The following LGALS9B variants were observed in gnomAD, a reference collection of about 807,000 sequenced individuals.
LGALS9B encodes galectin-9B.
In LGALS9B, 8 loss-of-function variants were observed where a neutral mutation model predicts 35.9. The ratio of observed to expected loss-of-function variants is 0.22; its 90% CI spans 0.13 to 0.40. LGALS9B has a LOEUF of 0.40. Ranked by LOEUF, LGALS9B falls within the 10% of genes least tolerant of loss-of-function variation. The probability of loss-of-function intolerance (pLI) is 1.00; values close to 1 mark genes in which losing one functional copy is unlikely to be tolerated. For synonymous variants in LGALS9B, 42 were observed against 148.6 expected (o/e 0.28, Z 5.22); for missense variants, 101 against 397.9 (o/e 0.25, Z 6.35).
intron 6 of LGALS9B, 77 bp from the exon 7 acceptor site, chr17:20,453,144 C>A: frequency 9.0e-7 from 1 of 1,106,078 alleles, no homozygotes; most frequent in Non-Finnish European, 1.3e-6. Context: ...GGGTGCCACA[C>A]GGCAGGCACC....
intron 1 of LGALS9B, among the ~76,000 whole-genome samples, chr17:20,466,705 G>A (rs1376529611): frequency 7.2e-6 from 1 of 138,014 alleles, no homozygotes; most frequent in East Asian, 2.1e-4. Flanking sequence ...TTTCAGCAAG[G>A]CACCTGCAGC....
intron 2 of LGALS9B, 60 bp downstream of exon 2, chr17:20,460,292 C>T (rs1208203448): frequency 6.2e-7 from 1 of 1,610,346 alleles, no homozygotes; most frequent in South Asian, 1.1e-5. Context: ...GGCTCACAGG[C>T]ACAGTGGCTT....
intron 1 of LGALS9B, among the ~76,000 whole-genome samples, chr17:20,464,195 C>T (rs1427673796): frequency 6.7e-6 from 1 of 148,826 alleles, no homozygotes; most frequent in Non-Finnish European, 1.5e-5. Context: ...CTTCCCCAGG[C>T]TCACGCGATC....
At position 20,451,859 on chromosome 17, in the gene LGALS9B, G is replaced by A. The variant is rs1336084960; in HGVS notation, c.697C>T (p.Pro233Ser). Residue 233 changes from proline (P) to serine (S), a missense_variant, in exon 9 of 11, where the codon CCG becomes TCG. Coordinates refer to ENST00000423676, the MANE Select transcript of LGALS9B (RefSeq NM_001367292.2). ...GACTTGGATGGGTACAGCCCTCCCG[G>A]AATGGTGGTGATGAAAGGCATCGGC... is the stretch of plus-strand genomic sequence containing the variant. ...AYPMPFITTI[P>S]GGLYPSKSII... 1 of 1,467,240 alleles carries A rather than the reference G, an allele frequency of 6.8e-7. No individual in the cohort carries two copies. Among genetic ancestry groups the A allele is most frequent in the East Asian group, 2.3e-5 (1 of 43,946 alleles). The allele number at this position is 1,467,240 out of a possible 1,614,324, so 90.9% of individuals were successfully genotyped here.
chr17:20,461,781 A>G, intron 1 of LGALS9B, among the ~76,000 whole-genome samples: 1 of 79,630 alleles, frequency 1.3e-5, no homozygotes, highest in Non-Finnish European at 2.5e-5. Flanking sequence ...AAGATGAGAC[A>G]GAAACCTGAA....
At chr17:20,464,036 G>A (rs1350675165) in intron 1 of LGALS9B, among the ~76,000 whole-genome samples, 1 of 150,942 alleles carries the variant, frequency 6.6e-6, no homozygotes, top group African/African-American at 2.4e-5. Context: ...AGAGGTAAGA[G>A]ATGTGACAAC....
chr17:20,463,169 A>ATTTAT (rs1005661731), intron 1 of LGALS9B, among the ~76,000 whole-genome samples: 7 of 143,350 alleles, frequency 4.9e-5, no homozygotes, highest in African/African-American at 1.1e-4. Context: ...TTATTTTATT[A>ATTTAT]TTTATTTTAT....
intron 3 of LGALS9B, chr17:20,457,357 C>A: frequency 8.5e-6 from 1 of 118,128 alleles, no homozygotes; most frequent in Non-Finnish European, 1.8e-5. Flanking sequence ...CGGTGTTTTG[C>A]TGCACAGATC....
Position 20,460,343 on chromosome 17 carries a change from T to C in LGALS9B, c.131+9A>G. On this transcript the variant is annotated intron_variant, in intron 2 of 10. Coordinates refer to ENST00000423676, the MANE Select transcript of LGALS9B (RefSeq NM_001367292.2). The stretch of plus-strand genomic sequence containing the variant: ...CTGGAGTGAAACGTTTCCATCCATA[T>C]ACACACACCTGGTTCCACTGGAGCT... 1 of 1,603,396 alleles carries C rather than the reference T, an allele frequency of 6.2e-7. No homozygotes were observed. The highest frequency in any genetic ancestry group is 1.1e-5 in the South Asian group (1 of 91,040).
At chr17:20,464,560 A>G (rs1382242635) in intron 1 of LGALS9B, among the ~76,000 whole-genome samples, 1 of 152,050 alleles carries the variant, frequency 6.6e-6, no homozygotes, top group Non-Finnish European at 1.5e-5. Flanking sequence ...CTCCAGAATC[A>G]TTAAGAAAGC....
rs1171321148 is a variant in LGALS9B at position 20,461,791 on chromosome 17, A to ATT, written c.40-1350_40-1349dup. 5.3e-3 allele frequency among the ~76,000 whole-genome samples: 294 copies of ATT among 55,912 alleles called. 27 individuals are homozygous for ATT. The highest frequency in any genetic ancestry group is 7.5e-3 in the Non-Finnish European group (227 of 30,154). The allele number at this position is 55,912 out of a possible 152,430, so 36.7% of individuals were successfully genotyped here. On this transcript the variant is annotated intron_variant, in intron 1 of 10. Transcript: ENST00000423676. ...TTTTTAAGATGAGACAGAAACCTGA[A>ATT]TTTTTTTTTTTTTTTTTTTTTGTAA...
chr17:20,458,525 C>T (rs2042705372), intron 2 of LGALS9B, 141 bp from the exon 3 acceptor site: 7 of 1,492,390 alleles, frequency 4.7e-6, no homozygotes, highest in South Asian at 1.2e-5. Context: ...TGGTTGGCAT[C>T]GTTTTTGTTT....
chr17:20,466,523 G>C (rs1378544206), intron 1 of LGALS9B, among the ~76,000 whole-genome samples: 2 of 143,350 alleles, frequency 1.4e-5, no homozygotes. Flanking sequence ...GAAGCTCTTT[G>C]CCAAGGCAGG....
In LGALS9B at chr17:20,455,408, C is replaced by T. The variant is rs771872625; in HGVS notation, c.445-10G>A. The T allele has an allele frequency of 2.7e-5, 36 of 1,355,010 alleles. 11 individuals carry two copies. In the Admixed American group the frequency reaches 4.7e-4, roughly 18 times the overall value. 83.9% of individuals were successfully genotyped at this position (1,355,010 alleles called of 1,614,324 possible). A position where few individuals can be genotyped will look rare whatever the true frequency, so the allele number is the denominator to read the frequency against. ...GGACTGTGCGGGGATTCTGTTAAAACAAAAGGCACCGGCCGGTGAGGAGAA... is the reference window on the plus strand; with the variant it reads ...GGACTGTGCGGGGATTCTGTTAAAATAAAAGGCACCGGCCGGTGAGGAGAA... On this transcript the variant is annotated splice_polypyrimidine_tract_variant and intron_variant, in intron 4 of 10. Coordinates refer to ENST00000423676, the MANE Select transcript of LGALS9B (RefSeq NM_001367292.2).
chr17:20,464,494 C>A (rs1210857485), intron 1 of LGALS9B, among the ~76,000 whole-genome samples: 1 of 152,054 alleles, frequency 6.6e-6, no homozygotes, highest in East Asian at 1.9e-4. Flanking sequence ...ACAGATTCTC[C>A]CCTGGAGCCT....
At chr17:20,454,388 T>C (rs1432176176) in intron 5 of LGALS9B, among the ~76,000 whole-genome samples, 1 of 149,792 alleles carries the variant, frequency 6.7e-6, no homozygotes, top group Admixed American at 6.7e-5. Flanking sequence ...AGTAGACTGT[T>C]CTTGCCCTGG....
chr17:20,458,455 G>A (rs202049390), intron 2 of LGALS9B, 71 bp from the exon 3 acceptor site: 171,884 of 1,361,586 alleles, frequency 0.13, 9,675 homozygotes, highest in Admixed American at 0.14. Flanking sequence ...GGAGGGCCTC[G>A]GTGCCTCTGC....
Position 20,456,564 on chromosome 17 carries a change from G to A in LGALS9B, c.441C>T (p.Phe147=). 1 of 746,474 alleles carries A rather than the reference G, an allele frequency of 1.3e-6. No individual in the cohort carries two copies. Among genetic ancestry groups the A allele is most frequent in the Non-Finnish European group, 1.7e-6 (1 of 572,346 alleles). 46.2% of individuals were successfully genotyped at this position (746,474 alleles called of 1,614,324 possible). The change falls in exon 4 of 11, where the codon TTC becomes TTT. Residue 147 remains phenylalanine, a synonymous_variant. Transcript: ENST00000423676. ...GGTGCCAGGTGGACAGTCTGACCTG[G>A]AAGCTGATGTAGGACAGCTGCACAG... ...NGSVQLSYIS[F]QNPRTVPVQP... is the part of the protein sequence containing the mutation.
chr17:20,466,421 C>A (rs1425111205), intron 1 of LGALS9B, among the ~76,000 whole-genome samples: 1 of 151,156 alleles, frequency 6.6e-6, no homozygotes, highest in Admixed American at 6.6e-5. Flanking sequence ...CTGGCAGCTT[C>A]CCTGCCCTCA....
Sources: gnomAD v4.1 joint callset for allele counts (sites outside exome capture counted in the v4.1 genomes callset) on GRCh38, gnomAD v4.1.1 for gene constraint, MANE v1.5 for transcripts, NCBI Gene and HGNC (gene_info 2026-07-23, HGNC 2026-07-21) for gene names.